The following UBAC2 variants were observed in gnomAD, a reference collection of about 807,000 sequenced individuals.
UBAC2 encodes the protein ubiquitin-associated domain-containing protein 2.
A neutral mutation model predicts 44.0 loss-of-function variants in UBAC2; 26 were observed. The observed-to-expected ratio is 0.59, with a 90% CI of 0.43 to 0.82. UBAC2 has a LOEUF of 0.82. Ranked by LOEUF, UBAC2 falls within the 40% of genes least tolerant of loss-of-function variation. UBAC2 has a pLI of 0.00. For missense variants in UBAC2, 329 were observed against 419.4 expected (o/e 0.78, Z 1.88); for synonymous variants, 155 against 154.3 (o/e 1.00, Z -0.04).
intron 5 of UBAC2, 51 bp from the exon 6 acceptor site, chr13:99,317,971 T>C (rs763070467): frequency 3.4e-6 from 5 of 1,452,818 alleles, no homozygotes; most frequent in Non-Finnish European, 4.8e-6. Flanking sequence ...AAGTGTGCTG[T>C]GACTGGCAGT....
Position 99,338,116 on chromosome 13 carries a change from G to A in UBAC2, c.562-2204G>A, listed in dbSNP as rs372452610. Among the ~76,000 whole-genome samples, 244 of 127,902 alleles carry A rather than the reference G, an allele frequency of 1.9e-3. 1 individual carries two copies. The highest frequency in any genetic ancestry group is 3.5e-3 in the African/African-American group (117 of 33,272). 83.9% of individuals were successfully genotyped at this position (127,902 alleles called of 152,430 possible). ...TGTGTCGCCCAGGCTGGAGTGCAGC[G>A]GCACAATCTCGACTTACTGTAACCT... On this transcript the variant is annotated intron_variant, in intron 6 of 8. Transcript: ENST00000403766.
chr13:99,323,534 A>C (rs1232360391), intron 6 of UBAC2, among the ~76,000 whole-genome samples: 1 of 152,254 alleles, frequency 6.6e-6, no homozygotes, highest in Non-Finnish European at 1.5e-5. Context: ...AGTTGAAGAC[A>C]AGTAGCAGGT....
intron 4 of UBAC2, among the ~76,000 whole-genome samples, chr13:99,264,593 G>A (rs2043716292): frequency 6.6e-6 from 1 of 152,130 alleles, no homozygotes; most frequent in African/African-American, 2.4e-5. Flanking sequence ...AACTGACCAG[G>A]TTGTCTTAAC....
intron 4 of UBAC2, among the ~76,000 whole-genome samples, chr13:99,284,110 T>G (rs984818752): frequency 2.0e-5 from 3 of 152,254 alleles, no homozygotes; most frequent in Admixed American, 2.0e-4. Context: ...CATTTTAACT[T>G]GCCAGACTGA....
intron 6 of UBAC2, among the ~76,000 whole-genome samples, chr13:99,327,374 C>T (rs1286566204): frequency 2.0e-5 from 3 of 152,166 alleles, no homozygotes; most frequent in Admixed American, 2.0e-4. Context: ...AGAACATTTT[C>T]CCATGGGTCT....
intron 4 of UBAC2, among the ~76,000 whole-genome samples, chr13:99,267,003 A>C (rs145047547): frequency 6.6e-6 from 1 of 152,162 alleles, no homozygotes; most frequent in East Asian, 1.9e-4. Context: ...CTTGGCTCGC[A>C]GGCACACCTC....
At position 99,367,748 on chromosome 13, in the gene UBAC2, CCT is replaced by C. The variant is rs1331637772; in HGVS notation, c.808-38_808-37del. ...TTCCAAGCATTATGATGATTCTGCT[CCT>C]TCTGTGTCTGATAACTGTGTGTTGA... On this transcript the variant is annotated intron_variant, in intron 7 of 8. Transcript: ENST00000403766. 3.1e-6 allele frequency: 5 copies of C among 1,613,418 alleles called. No homozygotes were observed. In the African/African-American group the frequency reaches 5.3e-5, roughly 17 times the overall value.
chr13:99,315,438 A>G (rs1256925944), intron 5 of UBAC2, among the ~76,000 whole-genome samples: 3 of 152,188 alleles, frequency 2.0e-5, no homozygotes, highest in Admixed American at 1.3e-4. Context: ...CCTCACATTC[A>G]CTGTATAGTT....
chr13:99,209,282 G>A (rs959628370), intron 1 of UBAC2, among the ~76,000 whole-genome samples: 3 of 152,174 alleles, frequency 2.0e-5, no homozygotes, highest in African/African-American at 4.8e-5. Context: ...CCCTCCTCCT[G>A]TCCTGTCTTC....
At chr13:99,237,373 T>G (rs1004372621) in intron 1 of UBAC2, among the ~76,000 whole-genome samples, 1 of 151,940 alleles carries the variant, frequency 6.6e-6, no homozygotes, top group South Asian at 2.1e-4. Context: ...AGAAGACATG[T>G]AAGTGAAATA....
At chr13:99,259,270 T>C (rs929222319) in intron 4 of UBAC2, among the ~76,000 whole-genome samples, 3 of 152,300 alleles carry the variant, frequency 2.0e-5, no homozygotes, top group East Asian at 1.9e-4. Context: ...TTATGCATGG[T>C]TTGTCAACTT....
At chr13:99,336,639 G>T (rs940059487) in intron 6 of UBAC2, among the ~76,000 whole-genome samples, 24 of 152,078 alleles carry the variant, frequency 1.6e-4, no homozygotes, top group African/African-American at 5.8e-4. Context: ...TGTTCTCTTG[G>T]TCTATTTAAG....
At chr13:99,325,747 A>G (rs967411146) in intron 6 of UBAC2, among the ~76,000 whole-genome samples, 1 of 152,156 alleles carries the variant, frequency 6.6e-6, no homozygotes, top group Non-Finnish European at 1.5e-5. Flanking sequence ...ATTCTGTGAA[A>G]TTGACTATCT....
rs887098408 is a variant in UBAC2, at chr13:99,244,797, A to G, written c.389+173A>G. Among the ~76,000 whole-genome samples, 4 of 132,578 alleles carry G rather than the reference A, an allele frequency of 3.0e-5. No homozygotes were observed. In the South Asian group the frequency reaches 9.4e-4, roughly 31 times the overall value. 87.0% of individuals were successfully genotyped at this position (132,578 alleles called of 152,430 possible). On this transcript the variant is annotated intron_variant, in intron 4 of 8. Coordinates refer to ENST00000403766, the MANE Select transcript of UBAC2 (RefSeq NM_001144072.2). Reference sequence around the variant, plus strand: ...CCTACATTTTTATTATGTTCTTGAAATAGAATCAATTTTATATTCTTTCTT... The same window carrying G: ...CCTACATTTTTATTATGTTCTTGAAGTAGAATCAATTTTATATTCTTTCTT...
At chr13:99,319,103 G>A (rs192040277) in intron 6 of UBAC2, among the ~76,000 whole-genome samples, 23 of 152,282 alleles carry the variant, frequency 1.5e-4, no homozygotes, top group Admixed American at 1.3e-3. Context: ...CATCATGGAA[G>A]AAGGGAATGA....
chr13:99,293,430 T>C (rs980410028), intron 4 of UBAC2, among the ~76,000 whole-genome samples: 2 of 152,170 alleles, frequency 1.3e-5, no homozygotes, highest in African/African-American at 4.8e-5. Context: ...GAGGAAGCTT[T>C]CTTTTTGGTT....
chr13:99,214,082 G>C (rs1174177919), intron 1 of UBAC2, among the ~76,000 whole-genome samples: 1 of 152,202 alleles, frequency 6.6e-6, no homozygotes, highest in Non-Finnish European at 1.5e-5. Flanking sequence ...TCCTCCCAAA[G>C]TGCTGGGATT....
At chr13:99,255,805 A>G (rs774847906) in intron 4 of UBAC2, 3 of 1,611,330 alleles carry the variant, frequency 1.9e-6, no homozygotes, top group Admixed American at 1.7e-5. Context: ...AAGGGCTGCA[A>G]TTTTGTATTC....
intron 4 of UBAC2, chr13:99,258,012 G>A (rs1268972740): frequency 1.3e-5 from 2 of 152,200 alleles, no homozygotes; most frequent in African/African-American, 2.4e-5. Flanking sequence ...TGATCCTCCT[G>A]CCTTGGCCTC....
Sources: allele counts gnomAD v4.1 joint callset (sites outside exome capture counted in the v4.1 genomes callset), GRCh38; gene constraint gnomAD v4.1.1; transcripts MANE v1.5; gene names NCBI Gene and HGNC (gene_info 2026-07-23, HGNC 2026-07-21).